Variants in CPT2 observed in about 807,000 individuals in gnomAD.
CPT2 encodes the protein carnitine O-palmitoyltransferase 2, mitochondrial.
A neutral mutation model predicts 48.6 loss-of-function variants in CPT2; 37 were observed. The ratio of observed to expected loss-of-function variants is 0.76; its 90% CI spans 0.59 to 1.00. The LOEUF (loss-of-function observed/expected upper bound fraction) is 1.00, where lower values mean the gene tolerates loss of function less well. CPT2 is among the 50% of genes least tolerant of loss of function. The pLI is 0.00. For missense variants in CPT2, 772 were observed against 825.6 expected, an observed-to-expected ratio of 0.94 and a Z score of 0.80; for synonymous variants, 319 against 326.9, an observed-to-expected ratio of 0.98 and a Z score of 0.26.
At chr1:53,198,013 C>T (rs570060959) in intron 1 of CPT2, among the ~76,000 whole-genome samples, 116 of 152,308 alleles carry the variant, frequency 7.6e-4, no homozygotes, top group Admixed American at 1.5e-3. Flanking sequence ...TTCCCTCCCC[C>T]AGTACTTTCT....
chr1:53,204,042 TTC>T (rs1645371161), intron 3 of CPT2: 1 of 152,184 alleles, frequency 6.6e-6, no homozygotes, highest in South Asian at 2.1e-4. Flanking sequence ...TTTTAGAATT[TTC>T]TCTTTGTCCC....
chr1:53,203,370 T>C (rs1331427507), intron 3 of CPT2: 3 of 152,376 alleles, frequency 2.0e-5, no homozygotes, highest in Non-Finnish European at 2.9e-5. Context: ...TTTTATGCTA[T>C]TATGATCATA....
At chr1:53,211,487 A>G in intron 4 of CPT2, 168 bp downstream of exon 4, 1 of 643,886 alleles carries the variant, frequency 1.6e-6, no homozygotes, top group Non-Finnish European at 2.7e-6. Flanking sequence ...CAGCCACACT[A>G]GCCACTAGGG....
chr1:53,209,678 A>G, intron 3 of CPT2: 1 of 332,862 alleles, frequency 3.0e-6, no homozygotes, highest in Non-Finnish European at 5.7e-6. Context: ...CAGGAGGCTG[A>G]GGCAGGAGAA....
chr1:53,197,236 T>C lies in CPT2; in HGVS notation c.152+141T>C, dbSNP rs968145211. The C allele has an allele frequency of 8.6e-6, 9 of 1,050,864 alleles. No homozygotes were observed. In the African/African-American group the frequency reaches 1.4e-4, roughly 17 times the overall value. The allele number at this position is 1,050,864 out of a possible 1,614,324, so 65.1% of individuals were successfully genotyped here. ...ATGGAGGCTGCCACAGCCCCTAATC[T>C]GGAAGTCTTGGGACTTTTCACAATC... is the stretch of plus-strand genomic sequence containing the variant. On this transcript the variant is annotated intron_variant, in intron 1 of 4. Coordinates refer to ENST00000371486, the MANE Select transcript of CPT2 (RefSeq NM_000098.3).
chr1:53,213,339 A>C lies in CPT2; in HGVS notation c.1721A>C (p.Tyr574Ser), dbSNP rs1645442128. 1.2e-6 allele frequency: 2 copies of C among 1,614,218 alleles called. No homozygotes were observed. The highest frequency in any genetic ancestry group is 8.5e-7 in the Non-Finnish European group (1 of 1,180,046). ...AAAGGGATCATCTTGCCTGAGCTCT[A>C]CCTGGACCCTGCATACGGGCAGATA... Reference protein sequence around the residue: ...AAKGIILPELYLDPAYGQINH... With the variant: ...AAKGIILPELSLDPAYGQINH... Residue 574 changes from tyrosine (Y) to serine (S), a missense_variant, in exon 5 of 5, where the codon TAC becomes TCC. Tyr to Ser is a moderately radical substitution (Grantham distance 144, BLOSUM62 -2). Transcript: ENST00000371486.
chr1:53,202,257 G>A lies in CPT2; in HGVS notation c.234-66G>A, dbSNP rs192450210. On this transcript the variant is annotated intron_variant, in intron 2 of 4. Transcript: ENST00000371486. ...CCCAAAACTCTATTATGAGTTCCTC[G>A]CCATGAACCTAAAAATCATGTATTC... 29 of 1,315,144 alleles carry A rather than the reference G, an allele frequency of 2.2e-5. No individual in the cohort carries two copies. In the African/African-American group the frequency reaches 2.9e-4, roughly 13 times the overall value. The allele number at this position is 1,315,144 out of a possible 1,614,324, so 81.5% of individuals were successfully genotyped here. A position where few individuals can be genotyped will look rare whatever the true frequency, so the allele number is the denominator to read the frequency against.
intron 2 of CPT2, chr1:53,201,215 T>C: frequency 3.8e-6 from 1 of 264,510 alleles, no homozygotes; most frequent in Non-Finnish European, 7.5e-6. Context: ...CCCTTTTTCA[T>C]GAAATTTAGT....
intron 3 of CPT2, chr1:53,203,631 G>A (rs1404821760): frequency 2.0e-5 from 3 of 152,154 alleles, no homozygotes; most frequent in Non-Finnish European, 2.9e-5. Flanking sequence ...GCGACATGCT[G>A]TAGTCTGGAT....
At chr1:53,209,866 T>C in intron 3 of CPT2, 149 bp from the exon 4 acceptor site, 1 of 677,578 alleles carries the variant, frequency 1.5e-6, no homozygotes, top group Admixed American at 2.6e-5. Flanking sequence ...TGTCTTGAAT[T>C]ATTGCAGAGC....
At chr1:53,212,237 A>C (rs1346798904) in intron 4 of CPT2, among the ~76,000 whole-genome samples, 1 of 151,722 alleles carries the variant, frequency 6.6e-6, no homozygotes, top group East Asian at 1.9e-4. Context: ...GCTAATTTTT[A>C]TATTTTCAAT....
At chr1:53,207,584 T>G (rs1378306644) in intron 3 of CPT2, 1 of 152,158 alleles carries the variant, frequency 6.6e-6, no homozygotes, top group African/African-American at 2.4e-5. Context: ...GCCTCAGCCT[T>G]CTGAGTAGCT....
intron 3 of CPT2, 120 bp from the exon 4 acceptor site, chr1:53,209,892 ATTC>A (rs1451068817): frequency 5.2e-6 from 4 of 774,646 alleles, no homozygotes; most frequent in Non-Finnish European, 8.5e-6. Context: ...CATTCAGGGA[ATTC>A]TTCTCTCTGG....
Position 53,211,197 on chromosome 1 carries a change from A to C in CPT2, c.1523A>C (p.Tyr508Ser). 1 of 1,609,840 alleles carries C rather than the reference A, an allele frequency of 6.2e-7. No individual in the cohort carries two copies. The highest frequency in any genetic ancestry group is 1.1e-5 in the South Asian group (1 of 90,630). ...GAGACCATCCGCCCGGCCTCCGTCTATACAAAGAGGTGCTCTGAGGCCTTT... is the reference window on the plus strand; with the variant it reads ...GAGACCATCCGCCCGGCCTCCGTCTCTACAAAGAGGTGCTCTGAGGCCTTT... ...RTETIRPASVYTKRCSEAFVR... is the reference protein window; with the variant it reads ...RTETIRPASVSTKRCSEAFVR... The change falls in exon 4 of 5, where the codon TAT (tyrosine) becomes TCT (serine). Residue 508 changes from tyrosine (Y) to serine (S), a missense_variant. Transcript: ENST00000371486.
Position 53,196,976 on chromosome 1 carries a change from C to G in CPT2, c.33C>G (p.Pro11=), listed in dbSNP as rs1173716908. The G allele has an allele frequency of 6.5e-7, 1 of 1,528,522 alleles. No homozygotes were observed. The highest frequency in any genetic ancestry group is 8.7e-7 in the Non-Finnish European group (1 of 1,144,258). 94.7% of individuals were successfully genotyped at this position (1,528,522 alleles called of 1,614,324 possible). ...CCCGCCTGCTGCTGCGCGCCTGGCCCCGGGGCCCCGCGGTTGGTCCGGGAG... is the reference window on the plus strand; with the variant it reads ...CCCGCCTGCTGCTGCGCGCCTGGCCGCGGGGCCCCGCGGTTGGTCCGGGAG... The part of the protein sequence containing the change: MVPRLLLRAW[P]RGPAVGPGAP... The change falls in exon 1 of 5, where the codon CCC becomes CCG. Residue 11 remains proline, a synonymous_variant. Coordinates refer to ENST00000371486, the MANE Select transcript of CPT2 (RefSeq NM_000098.3).
rs141889134 is a variant in CPT2 at position 53,199,480 on chromosome 1, G to A, written c.153-1239G>A. Reference sequence around the variant, plus strand: ...GCTGGGATTACAGGTGTGAACCACCGTGCCCAGCTTCACTCCAGAAATTTT... The same window carrying A: ...GCTGGGATTACAGGTGTGAACCACCATGCCCAGCTTCACTCCAGAAATTTT... On this transcript the variant is annotated intron_variant, in intron 1 of 4. Transcript: ENST00000371486. Among the ~76,000 whole-genome samples, 646 of 152,306 alleles carry A rather than the reference G, an allele frequency of 4.2e-3. 7 individuals are homozygous for A. The highest frequency in any genetic ancestry group is 0.015 in the African/African-American group (615 of 41,564).
At chr1:53,201,071 C>G in intron 2 of CPT2, 1 of 477,492 alleles carries the variant, frequency 2.1e-6, no homozygotes, top group Non-Finnish European at 3.9e-6. Context: ...ACCTGGGAGG[C>G]TCGCTGGTCC....
intron 3 of CPT2, 165 bp from the exon 4 acceptor site, chr1:53,209,850 T>G: frequency 3.1e-6 from 2 of 641,026 alleles, no homozygotes; most frequent in Non-Finnish European, 2.7e-6. Flanking sequence ...TATGACCCCA[T>G]TTGTATGTCT....
At chr1:53,199,515 C>T (rs894234520) in intron 1 of CPT2, among the ~76,000 whole-genome samples, 2 of 152,128 alleles carry the variant, frequency 1.3e-5, no homozygotes, top group Non-Finnish European at 2.9e-5. Flanking sequence ...TTAAGTAGGA[C>T]TTTTTTAAAT....
Sources: gnomAD v4.1 joint callset for allele counts (sites outside exome capture counted in the v4.1 genomes callset) on GRCh38, gnomAD v4.1.1 for gene constraint, MANE v1.5 for transcripts, NCBI Gene and HGNC (gene_info 2026-07-23, HGNC 2026-07-21) for gene names.